The following DLG2 variants were observed in gnomAD, a reference collection of about 807,000 sequenced individuals.
DLG2 encodes the protein disks large homolog 2.
Under a neutral mutation model 132.5 loss-of-function variants are expected in DLG2, and 45 were observed. The observed-to-expected ratio is 0.34, with a 90% CI of 0.27 to 0.44. The LOEUF (loss-of-function observed/expected upper bound fraction) is 0.44, where lower values mean the gene tolerates loss of function less well. Among genes scored for constraint, DLG2 ranks in the 20% least tolerant of loss-of-function variants. The pLI, the probability that DLG2 is intolerant of heterozygous loss-of-function variation, is 1.00. For missense variants in DLG2, 1,045 were observed against 1,196.9 expected (o/e 0.87, Z 1.87); for synonymous variants, 424 against 419.6 (o/e 1.01, Z -0.13).
At chr11:85,426,371 AC>A (rs1200102217) in intron 3 of DLG2, among the ~76,000 whole-genome samples, 1 of 151,910 alleles carries the variant, frequency 6.6e-6, no homozygotes, top group African/African-American at 2.4e-5. Flanking sequence ...ACTGGGAGGC[AC>A]CCCCCAGTAG....
chr11:85,533,407 C>T (rs897649208), intron 3 of DLG2, among the ~76,000 whole-genome samples: 1 of 149,690 alleles, frequency 6.7e-6, no homozygotes. Flanking sequence ...CATACACACA[C>T]TATATACATA....
At chr11:84,271,244 A>G (rs1380140917) in intron 7 of DLG2, among the ~76,000 whole-genome samples, 3 of 152,220 alleles carry the variant, frequency 2.0e-5, no homozygotes, top group Admixed American at 6.5e-5. Flanking sequence ...CAAATTCCCA[A>G]TATGTTCTGA....
intron 6 of DLG2, among the ~76,000 whole-genome samples, chr11:84,592,295 A>G (rs919508161): frequency 1.3e-5 from 2 of 152,176 alleles, no homozygotes; most frequent in African/African-American, 4.8e-5. Flanking sequence ...ATAAGCCAGA[A>G]CTCACTGAAT....
At chr11:84,295,367 C>T (rs2098075782) in intron 7 of DLG2, among the ~76,000 whole-genome samples, 1 of 152,146 alleles carries the variant, frequency 6.6e-6, no homozygotes. Flanking sequence ...AAAGCCATCA[C>T]ATAAAGCACA....
At chr11:83,856,073 G>A (rs2060493934) in intron 16 of DLG2, among the ~76,000 whole-genome samples, 1 of 152,062 alleles carries the variant, frequency 6.6e-6, no homozygotes, top group Non-Finnish European at 1.5e-5. Flanking sequence ...CACTTATAAT[G>A]AGAACATGTG....
intron 6 of DLG2, among the ~76,000 whole-genome samples, chr11:84,971,998 CTA>C (rs2054162985): frequency 1.3e-5 from 2 of 152,138 alleles, no homozygotes; most frequent in South Asian, 2.1e-4. Flanking sequence ...AAAAATAAAC[CTA>C]TGTTTAAGAG....
chr11:84,556,211 C>T (rs373910437), intron 6 of DLG2, among the ~76,000 whole-genome samples: 51 of 152,194 alleles, frequency 3.4e-4, no homozygotes, highest in Admixed American at 7.9e-4. Flanking sequence ...AGGACATGGT[C>T]AGGTAGCAGG....
intron 7 of DLG2, among the ~76,000 whole-genome samples, chr11:84,269,325 G>A (rs760992717): frequency 3.3e-5 from 5 of 152,124 alleles, no homozygotes; most frequent in Non-Finnish European, 7.4e-5. Flanking sequence ...TTGAATAGAC[G>A]AACACATGGA....
chr11:84,005,915 A>G (rs1322737604), intron 11 of DLG2, among the ~76,000 whole-genome samples: 1 of 151,858 alleles, frequency 6.6e-6, no homozygotes, highest in African/African-American at 2.4e-5. Flanking sequence ...GGACAATAGT[A>G]TGGTGATTTC....
chr11:84,884,307 G>C (rs1188144073), intron 6 of DLG2, among the ~76,000 whole-genome samples: 1 of 148,582 alleles, frequency 6.7e-6, no homozygotes, highest in East Asian at 2.0e-4. Flanking sequence ...GTCTTAGTGT[G>C]ATGGATTTGT....
At chr11:84,341,191 T>C (rs1420615396) in intron 7 of DLG2, among the ~76,000 whole-genome samples, 4 of 152,160 alleles carry the variant, frequency 2.6e-5, no homozygotes, top group African/African-American at 9.7e-5. Flanking sequence ...GTTCTCATAA[T>C]AGTATTCTTG....
chr11:83,723,095 A>C (rs567665429), intron 18 of DLG2, among the ~76,000 whole-genome samples: 1 of 152,194 alleles, frequency 6.6e-6, no homozygotes, highest in East Asian at 1.9e-4. Flanking sequence ...AAAAACAACA[A>C]AACGGCCAGG....
At chr11:84,660,195 C>T (rs1431768325) in intron 6 of DLG2, among the ~76,000 whole-genome samples, 2 of 152,014 alleles carry the variant, frequency 1.3e-5, no homozygotes, top group African/African-American at 4.8e-5. Flanking sequence ...TGGCAAAAAC[C>T]CCAGGCAAAC....
In DLG2 at chr11:84,313,786, T is replaced by C. The variant is rs189448611; in HGVS notation, c.520-62495A>G. On this transcript the variant is annotated intron_variant, in intron 7 of 27. Transcript: ENST00000376104. ...GTTCTGTGCTGCTTCCCTAGATTAGTCTGCACTGGGAAGAAATGCCACATA... is the reference window on the plus strand; with the variant it reads ...GTTCTGTGCTGCTTCCCTAGATTAGCCTGCACTGGGAAGAAATGCCACATA... Among the ~76,000 whole-genome samples, 454 of 152,282 alleles carry C rather than the reference T, an allele frequency of 3.0e-3. 6 individuals carry two copies. The highest frequency in any genetic ancestry group is 0.024 in the Admixed American group (374 of 15,298).
At chr11:85,026,050 TTGA>T (rs1177391879) in intron 6 of DLG2, among the ~76,000 whole-genome samples, 1 of 152,042 alleles carries the variant, frequency 6.6e-6, no homozygotes, top group Non-Finnish European at 1.5e-5. Context: ...TTTTATAAAC[TTGA>T]TGGTGCAGAA....
chr11:84,286,095 G>C (rs1163510149), intron 7 of DLG2, among the ~76,000 whole-genome samples: 1 of 152,122 alleles, frequency 6.6e-6, no homozygotes, highest in Non-Finnish European at 1.5e-5. Context: ...CCTCTTACCA[G>C]CATGTATCCT....
chr11:85,028,040 C>T lies in DLG2; in HGVS notation c.357+83621G>A, dbSNP rs113000533. On this transcript the variant is annotated intron_variant, in intron 6 of 27. Transcript: ENST00000376104. ...CCAAGGCGGAGAGGAGACAGAACAG[C>T]TTCATCAAGAGGCAGAAGAGCCGAA... is the stretch of plus-strand genomic sequence containing the variant. Among the ~76,000 whole-genome samples the T allele has an allele frequency of 3.7e-3, 565 of 152,310 alleles. 4 individuals are homozygous for T. The highest frequency in any genetic ancestry group is 0.013 in the African/African-American group (525 of 41,564).
Position 84,714,605 on chromosome 11 carries a change from TTCTCTTTCTCTTTCTCTTTCTCTC to T in DLG2, c.358-179898_358-179875del, listed in dbSNP as rs1565750030. 4.5e-3 allele frequency among the ~76,000 whole-genome samples: 447 copies of T among 99,280 alleles called. 2 individuals carry two copies. Among genetic ancestry groups the T allele is most frequent in the Non-Finnish European group, 5.9e-3 (284 of 48,446 alleles). 65.1% of individuals were successfully genotyped at this position (99,280 alleles called of 152,430 possible). A position where few individuals can be genotyped will look rare whatever the true frequency, so the allele number is the denominator to read the frequency against. On this transcript the variant is annotated intron_variant, in intron 6 of 27. Transcript: ENST00000376104. ...TCTTTCTCTTTCTCTTTCTTTCTCT[TTCTCTTTCTCTTTCTCTTTCTCTC>T]TCTCTCTCTCTCTCTCTTTCTCTCT...
intron 8 of DLG2, among the ~76,000 whole-genome samples, chr11:84,196,076 G>A (rs1032719455): frequency 3.9e-5 from 6 of 152,178 alleles, no homozygotes; most frequent in Non-Finnish European, 7.4e-5. Context: ...TCAGGGAAAA[G>A]TTATAGAAGC....
Sources: allele counts gnomAD v4.1 joint callset (sites outside exome capture counted in the v4.1 genomes callset), GRCh38; gene constraint gnomAD v4.1.1; transcripts MANE v1.5; gene names NCBI Gene and HGNC (gene_info 2026-07-23, HGNC 2026-07-21).